The following SH3GL2 variants were observed in gnomAD, a reference collection of about 807,000 sequenced individuals.
SH3GL2 encodes endophilin-A1.
A neutral mutation model predicts 46.0 loss-of-function variants in SH3GL2; 24 were observed. That is an observed-to-expected ratio of 0.52 (90% confidence interval 0.38 to 0.73). The LOEUF (loss-of-function observed/expected upper bound fraction) is 0.73. Ranked by LOEUF, SH3GL2 falls within the 30% of genes least tolerant of loss-of-function variation. The pLI is 0.00. For missense variants in SH3GL2, 413 were observed against 424.2 expected (o/e 0.97, Z 0.23); for synonymous variants, 196 against 147.1 (o/e 1.33, Z -2.40).
intron 1 of SH3GL2, among the ~76,000 whole-genome samples, chr9:17,625,311 C>G (rs1043077946): frequency 8.1e-4 from 123 of 152,244 alleles, no homozygotes; most frequent in African/African-American, 2.9e-3. Flanking sequence ...GAATCCTGGT[C>G]CAGAAGCCCC....
chr9:17,626,024 A>G (rs748352118), intron 1 of SH3GL2, among the ~76,000 whole-genome samples: 1 of 152,182 alleles, frequency 6.6e-6, no homozygotes, highest in Non-Finnish European at 1.5e-5. Flanking sequence ...AGTCTTCCCC[A>G]TCTCATCTTC....
At chr9:17,724,317 A>G (rs1373504751) in intron 1 of SH3GL2, among the ~76,000 whole-genome samples, 1 of 152,066 alleles carries the variant, frequency 6.6e-6, no homozygotes, top group African/African-American at 2.4e-5. Context: ...CAAGAGTCCC[A>G]TTTGACTCTT....
At chr9:17,792,137 C>T (rs1020776309) in intron 7 of SH3GL2, among the ~76,000 whole-genome samples, 7 of 152,192 alleles carry the variant, frequency 4.6e-5, no homozygotes, top group African/African-American at 9.7e-5. Context: ...TGGCTGCCTG[C>T]GTGAAGAAGA....
intron 1 of SH3GL2, among the ~76,000 whole-genome samples, chr9:17,618,757 T>C (rs1188468592): frequency 6.6e-6 from 1 of 151,552 alleles, no homozygotes; most frequent in East Asian, 2.0e-4. Flanking sequence ...TGTGAACTTA[T>C]ATATTGAACT....
intron 3 of SH3GL2, among the ~76,000 whole-genome samples, chr9:17,775,763 T>C (rs1030969790): frequency 3.3e-5 from 5 of 152,152 alleles, no homozygotes; most frequent in African/African-American, 7.2e-5. Context: ...CCCTGATGGA[T>C]GCTAAAGCCA....
chr9:17,734,479 G>A (rs1289301073), intron 1 of SH3GL2, among the ~76,000 whole-genome samples: 2 of 152,032 alleles, frequency 1.3e-5, no homozygotes, highest in Non-Finnish European at 2.9e-5. Flanking sequence ...GTAGCTTTTA[G>A]TTATCCATAT....
chr9:17,689,818 G>T (rs1314047010), intron 1 of SH3GL2, among the ~76,000 whole-genome samples: 5 of 152,016 alleles, frequency 3.3e-5, no homozygotes, highest in Non-Finnish European at 5.9e-5. Flanking sequence ...CAAAACTTGT[G>T]TTCTTTGTCT....
intron 1 of SH3GL2, among the ~76,000 whole-genome samples, chr9:17,738,513 T>TATGTGTGTGTATATACATACATATATAC: frequency 7.5e-6 from 1 of 132,508 alleles, no homozygotes; most frequent in South Asian, 2.3e-4. Flanking sequence ...CATATATACA[T>TATGTGTGTGTATATACATACATATATAC]ATGTGTGTGT....
At chr9:17,720,358 G>A (rs369844028) in intron 1 of SH3GL2, among the ~76,000 whole-genome samples, 39 of 152,228 alleles carry the variant, frequency 2.6e-4, no homozygotes, top group African/African-American at 7.2e-4. Flanking sequence ...AGAATGATTC[G>A]CAAATCAGGC....
chr9:17,689,309 A>T (rs1322376111), intron 1 of SH3GL2, among the ~76,000 whole-genome samples: 1 of 152,088 alleles, frequency 6.6e-6, no homozygotes, highest in African/African-American at 2.4e-5. Flanking sequence ...GAGATACGAA[A>T]ACTAAATATG....
intron 5 of SH3GL2, among the ~76,000 whole-genome samples, chr9:17,789,033 C>T (rs943085423): frequency 2.0e-5 from 3 of 152,182 alleles, no homozygotes; most frequent in African/African-American, 7.2e-5. Flanking sequence ...GCCTGTGGGG[C>T]CTGTGAGTGT....
In SH3GL2 at chr9:17,615,410, A is replaced by G. The variant is rs150975669; in HGVS notation, c.45+36123A>G. Reference sequence around the variant, plus strand: ...GGTGGCTCATGCCTATAATCCCAGCACTTTGAGAGGCCGAGGTGGGCGGAT... The same window carrying G: ...GGTGGCTCATGCCTATAATCCCAGCGCTTTGAGAGGCCGAGGTGGGCGGAT... On this transcript the variant is annotated intron_variant, in intron 1 of 8. Transcript: ENST00000380607. Among the ~76,000 whole-genome samples, 1,369 of 152,264 alleles carry G rather than the reference A, an allele frequency of 9.0e-3. 28 individuals are homozygous for G. Among genetic ancestry groups the G allele is most frequent in the African/African-American group, 0.03 (1,267 of 41,542 alleles).
At chr9:17,717,896 T>G (rs1264569243) in intron 1 of SH3GL2, among the ~76,000 whole-genome samples, 1 of 152,122 alleles carries the variant, frequency 6.6e-6, no homozygotes, top group East Asian at 1.9e-4. Flanking sequence ...CTTTTCGGTG[T>G]TAAGGTTCTG....
intron 1 of SH3GL2, among the ~76,000 whole-genome samples, chr9:17,583,952 C>T (rs1818322978): frequency 6.6e-6 from 1 of 152,152 alleles, no homozygotes; most frequent in East Asian, 1.9e-4. Context: ...TTTTCAGTTT[C>T]TTAATTGCCT....
At chr9:17,598,953 T>C (rs1206737045) in intron 1 of SH3GL2, among the ~76,000 whole-genome samples, 2 of 152,226 alleles carry the variant, frequency 1.3e-5, no homozygotes, top group Non-Finnish European at 2.9e-5. Context: ...ATGAATCATT[T>C]AATTATTTAA....
intron 1 of SH3GL2, among the ~76,000 whole-genome samples, chr9:17,650,184 C>A (rs539031444): frequency 1.4e-4 from 22 of 152,260 alleles, no homozygotes; most frequent in African/African-American, 4.8e-4. Flanking sequence ...ATTGCACATG[C>A]TGTGTTTGAT....
chr9:17,715,305 T>G (rs1821723341), intron 1 of SH3GL2, among the ~76,000 whole-genome samples: 3 of 151,568 alleles, frequency 2.0e-5, no homozygotes, highest in Admixed American at 2.0e-4. Flanking sequence ...ATTTGCCTAG[T>G]GTTTCTTGTG....
chr9:17,679,739 C>G (rs1184317025), intron 1 of SH3GL2, among the ~76,000 whole-genome samples: 1 of 152,132 alleles, frequency 6.6e-6, no homozygotes, highest in Non-Finnish European at 1.5e-5. Context: ...AGGTTTTGCC[C>G]ATTCAGTATG....
chr9:17,645,323 G>A (rs868194267), intron 1 of SH3GL2, among the ~76,000 whole-genome samples: 1 of 151,176 alleles, frequency 6.6e-6, no homozygotes, highest in African/African-American at 2.4e-5. Flanking sequence ...GAATCTTTAT[G>A]CAATTTGCAA....
Sources: gnomAD v4.1 joint callset for allele counts (sites outside exome capture counted in the v4.1 genomes callset) on GRCh38, gnomAD v4.1.1 for gene constraint, MANE v1.5 for transcripts, NCBI Gene and HGNC (gene_info 2026-07-23, HGNC 2026-07-21) for gene names.